The following PNLIPRP3 variants were observed in gnomAD, a reference collection of about 807,000 sequenced individuals.
PNLIPRP3 encodes pancreatic lipase-related protein 3.
In PNLIPRP3, 58 loss-of-function variants were observed where a neutral mutation model predicts 52.8. That is an observed-to-expected ratio of 1.10 (90% CI 0.89 to 1.37). The LOEUF (loss-of-function observed/expected upper bound fraction) is 1.37, where lower values mean the gene tolerates loss of function less well. Ranked by LOEUF, PNLIPRP3 falls within the 40% of genes most tolerant of loss-of-function variation. PNLIPRP3 has a pLI of 0.00. For missense variants in PNLIPRP3, 593 were observed against 561.6 expected (o/e 1.06, Z -0.57); for synonymous variants, 192 against 185.0 (o/e 1.04, Z -0.31).
At chr10:116,469,859 A>C (rs1846339032) in intron 9 of PNLIPRP3, among the ~76,000 whole-genome samples, 1 of 152,074 alleles carries the variant, frequency 6.6e-6, no homozygotes, top group Admixed American at 6.6e-5. Context: ...GGGTATTAAG[A>C]ATTACCAGAT....
chr10:116,428,671 T>C (rs978490488), intron 1 of PNLIPRP3, among the ~76,000 whole-genome samples: 1 of 152,168 alleles, frequency 6.6e-6, no homozygotes, highest in Non-Finnish European at 1.5e-5. Flanking sequence ...TCCTTAGACA[T>C]TACAATGTAA....
At chr10:116,475,227 A>T (rs1028079776) in intron 10 of PNLIPRP3, among the ~76,000 whole-genome samples, 7 of 152,318 alleles carry the variant, frequency 4.6e-5, no homozygotes, top group African/African-American at 1.7e-4. Context: ...AGTGGGAGCT[A>T]AATGATGAGA....
intron 10 of PNLIPRP3, among the ~76,000 whole-genome samples, chr10:116,473,070 A>G (rs1439608443): frequency 6.6e-6 from 1 of 152,224 alleles, no homozygotes; most frequent in Non-Finnish European, 1.5e-5. Flanking sequence ...ATGAATATGC[A>G]GTTTCTGCCT....
At chr10:116,453,887 T>C (rs1412599332) in intron 4 of PNLIPRP3, among the ~76,000 whole-genome samples, 3 of 152,110 alleles carry the variant, frequency 2.0e-5, no homozygotes, top group Non-Finnish European at 2.9e-5. Flanking sequence ...TCATCTAGGT[T>C]TTAAGCCCTG....
intron 2 of PNLIPRP3, chr10:116,439,864 T>A: frequency 1.3e-6 from 1 of 785,528 alleles, no homozygotes; most frequent in Non-Finnish European, 2.4e-6. Context: ...TGCCATTTCA[T>A]CAAATTTAGA....
In PNLIPRP3 at chr10:116,427,912, T is replaced by G; in HGVS notation, c.-101T>G. 1 of 832,568 alleles carries G rather than the reference T, an allele frequency of 1.2e-6. No homozygotes were observed. Among genetic ancestry groups the G allele is most frequent in the Non-Finnish European group, 2.1e-6 (1 of 485,392 alleles). The allele number at this position is 832,568 out of a possible 1,614,324, so 51.6% of individuals were successfully genotyped here. A position where few individuals can be genotyped will look rare whatever the true frequency, so the allele number is the denominator to read the frequency against. ...TAAACGTAGAGTTTAAACATTGAGT[T>G]GCATCATTGTGAGGAAAACCACTTA... On this transcript the variant is annotated 5_prime_UTR_variant, in exon 1 of 12. Coordinates refer to ENST00000369230, the MANE Select transcript of PNLIPRP3 (RefSeq NM_001011709.3).
In PNLIPRP3 at chr10:116,443,058, A is replaced by G; in HGVS notation, c.208A>G (p.Ile70Val). ...TIHNPNAYQEISAVNSSTIQA... is the reference protein window; with the variant it reads ...TIHNPNAYQEVSAVNSSTIQA... ...AATCTCTTTCTGCTTGAAACAGGAG[A>G]TCAGTGCGGTTAATTCTTCAACTAT... Residue 70 changes from isoleucine (I) to valine (V), a missense_variant, in exon 3 of 12, where the codon ATC (isoleucine) becomes GTC (valine). Transcript: ENST00000369230. 1 of 1,582,670 alleles carries G rather than the reference A, an allele frequency of 6.3e-7. No homozygotes were observed. Among genetic ancestry groups the G allele is most frequent in the Non-Finnish European group, 8.6e-7 (1 of 1,160,150 alleles).
chr10:116,473,818 G>A (rs1846413047), intron 10 of PNLIPRP3, among the ~76,000 whole-genome samples: 2 of 151,886 alleles, frequency 1.3e-5, no homozygotes, highest in Non-Finnish European at 1.5e-5. Flanking sequence ...ACCGCACCTG[G>A]CCAAACTGCT....
chr10:116,456,269 A>G (rs904532071), intron 5 of PNLIPRP3, among the ~76,000 whole-genome samples: 1 of 152,232 alleles, frequency 6.6e-6, no homozygotes, highest in Non-Finnish European at 1.5e-5. Flanking sequence ...ATTCTAGTAC[A>G]TGATACAGAA....
At chr10:116,460,012 C>T (rs1359392693) in intron 5 of PNLIPRP3, among the ~76,000 whole-genome samples, 4 of 152,086 alleles carry the variant, frequency 2.6e-5, no homozygotes, top group African/African-American at 7.2e-5. Flanking sequence ...GTGATCCACC[C>T]GCCTCGGCCT....
chr10:116,465,425 C>T lies in PNLIPRP3; in HGVS notation c.809-625C>T, dbSNP rs553893299. Among the ~76,000 whole-genome samples the T allele has an allele frequency of 6.6e-5, 10 of 152,058 alleles. No individual in the cohort carries two copies. The South Asian group carries it at 1.9e-3, about 28-fold the overall frequency. ...TGGTGGGCGCCTGTAGTCCCAGCTA[C>T]TCGGGAGGCTGAGGCAGGAGAATGG... On this transcript the variant is annotated intron_variant, in intron 7 of 11. Transcript: ENST00000369230.
chr10:116,471,673 G>C, intron 9 of PNLIPRP3, 95 bp from the exon 10 acceptor site: 1 of 989,338 alleles, frequency 1.0e-6, no homozygotes, highest in Non-Finnish European at 1.6e-6. Context: ...ATACAACCCT[G>C]AAAATTTTAT....
chr10:116,473,098 A>T (rs184945225), intron 10 of PNLIPRP3, among the ~76,000 whole-genome samples: 1 of 152,348 alleles, frequency 6.6e-6, no homozygotes, highest in Non-Finnish European at 1.5e-5. Context: ...GATTTGTGAG[A>T]GCGTTTCCAC....
chr10:116,469,148 A>G (rs758606837), intron 8 of PNLIPRP3, 37 bp from the exon 9 acceptor site: 1 of 1,576,190 alleles, frequency 6.3e-7, no homozygotes, highest in Non-Finnish European at 8.6e-7. Context: ...AACATTTCTA[A>G]TTACATAAGT....
intron 1 of PNLIPRP3, among the ~76,000 whole-genome samples, chr10:116,435,085 C>T (rs57273691): frequency 0.071 from 10,829 of 152,048 alleles, 1,342 homozygotes; most frequent in African/African-American, 0.25. Context: ...AATGGAAGTG[C>T]AGTAAAGGAA....
intron 5 of PNLIPRP3, among the ~76,000 whole-genome samples, chr10:116,457,898 T>G (rs1846137817): frequency 6.6e-6 from 1 of 152,234 alleles, no homozygotes; most frequent in Non-Finnish European, 1.5e-5. Context: ...TTAAAGGTTT[T>G]CTGAATGTCC....
rs61729308 is a variant in PNLIPRP3 at position 116,471,842 on chromosome 10, G to A, written c.1135G>A (p.Gly379Arg). Residue 379 changes from glycine to arginine, a missense_variant, in exon 10 of 12, where the codon GGG becomes AGG. Physicochemically the swap from Gly to Arg is moderately radical, Grantham distance 125. Coordinates refer to ENST00000369230, the MANE Select transcript of PNLIPRP3 (RefSeq NM_001011709.3). ...AGGAACTGTCTTTCTTCGTGTAGGC[G>A]GGGCAGTTAGGAAAACTGGGGAGTT... ...TQGTVFLRVG[G>R]AVRKTGEFAI... is the part of the protein sequence containing the mutation. The A allele has an allele frequency of 1.1e-5, 17 of 1,607,210 alleles. No individual in the cohort carries two copies. In the East Asian group the frequency reaches 3.1e-4, roughly 30 times the overall value.
chr10:116,434,289 C>A (rs140396771), intron 1 of PNLIPRP3, among the ~76,000 whole-genome samples: 123 of 152,100 alleles, frequency 8.1e-4, no homozygotes, highest in African/African-American at 2.7e-3. Context: ...TATTTTGGTA[C>A]CTTTCTTTTA....
At chr10:116,462,897 A>C (rs1001919061) in intron 7 of PNLIPRP3, among the ~76,000 whole-genome samples, 1 of 152,222 alleles carries the variant, frequency 6.6e-6, no homozygotes, top group African/African-American at 2.4e-5. Context: ...GGATTAAAAG[A>C]ACATTTATCA....
Sources: gnomAD v4.1 joint callset for allele counts (sites outside exome capture counted in the v4.1 genomes callset) on GRCh38, gnomAD v4.1.1 for gene constraint, MANE v1.5 for transcripts, NCBI Gene and HGNC (gene_info 2026-07-23, HGNC 2026-07-21) for gene names.